Variants in CCDC171 observed in about 807,000 individuals in gnomAD.
CCDC171 encodes coiled-coil domain containing 171.
A neutral mutation model predicts 168.2 loss-of-function variants in CCDC171; 177 were observed. That is an observed-to-expected ratio of 1.05 (90% CI 0.93 to 1.19). The LOEUF (loss-of-function observed/expected upper bound fraction) is 1.19, where lower values mean the gene tolerates loss of function less well. CCDC171 is among the 50% of genes most tolerant of loss of function. The probability of loss-of-function intolerance (pLI) is 0.00; values close to 1 mark genes in which losing one functional copy is unlikely to be tolerated. For synonymous variants in CCDC171, 687 were observed against 540.8 expected (o/e 1.27, Z -3.75); for missense variants, 1,991 against 1,539.0 (o/e 1.29, Z -4.91).
chr9:15,797,323 C>T (rs2058607962), intron 21 of CCDC171, among the ~76,000 whole-genome samples: 1 of 152,048 alleles, frequency 6.6e-6, no homozygotes, highest in African/African-American at 2.4e-5. Context: ...CTCAACTAAT[C>T]CTCCCATCTC....
intron 6 of CCDC171, among the ~76,000 whole-genome samples, chr9:16,033,122 C>G (rs1454826218): frequency 6.6e-6 from 1 of 152,160 alleles, no homozygotes; most frequent in Non-Finnish European, 1.5e-5. Context: ...GTCCACTGTA[C>G]AGGGCTAGGA....
intron 3 of CCDC171, among the ~76,000 whole-genome samples, chr9:15,993,778 A>G (rs1046298907): frequency 1.3e-5 from 2 of 152,250 alleles, no homozygotes; most frequent in Admixed American, 1.3e-4. Flanking sequence ...AAAGTGGCAA[A>G]GGATATGAAC....
chr9:15,619,579 A>G (rs1338113913), intron 6 of CCDC171, among the ~76,000 whole-genome samples: 2 of 152,224 alleles, frequency 1.3e-5, no homozygotes, highest in Non-Finnish European at 2.9e-5. Context: ...AGATTGGTTC[A>G]TGACTTTTAG....
chr9:15,744,397 T>C lies in CCDC171; in HGVS notation c.2174T>C (p.Met725Thr), dbSNP rs1427396977. 2 of 1,614,202 alleles carry C rather than the reference T, an allele frequency of 1.2e-6. No homozygotes were observed. The highest frequency in any genetic ancestry group is 1.1e-5 in the South Asian group (1 of 91,086). The change falls in exon 17 of 26, where the codon ATG becomes ACG. Residue 725 changes from methionine (M) to threonine (T), a missense_variant. Met to Thr is a moderately conservative substitution (Grantham distance 81). Coordinates refer to ENST00000380701, the MANE Select transcript of CCDC171 (RefSeq NM_173550.4). Reference sequence around the variant, plus strand: ...TTATCACAGACTCAAAGGGAACAGATGTCCTTGCTGGCAGCCTGTGCATTA... The same window carrying C: ...TTATCACAGACTCAAAGGGAACAGACGTCCTTGCTGGCAGCCTGTGCATTA... Reference protein sequence around the residue: ...KLLSQTQREQMSLLAACALMA... With the variant: ...KLLSQTQREQTSLLAACALMA...
rs1168528002 is a variant in CCDC171, at chr9:15,971,816, C to A, written c.3961C>A (p.Pro1321Thr). 6 of 1,612,848 alleles carry A rather than the reference C, an allele frequency of 3.7e-6. No homozygotes were observed. Among genetic ancestry groups the A allele is most frequent in the Non-Finnish European group, 5.1e-6 (6 of 1,179,012 alleles). ...GACTATGTCTGCTAATGCCAACAGA[C>A]CAACTCAGATTGGATTATGACTTCA... ...PVTMSANANR[P>T]TQIGL The change falls in exon 26 of 26, where the codon CCA (proline) becomes ACA (threonine). Residue 1321 changes from proline to threonine, a missense_variant. Transcript: ENST00000380701.
chr9:16,095,867 C>CATATATATATATATAT, the CCDC171 span, among the ~76,000 whole-genome samples: 10 of 52,782 alleles, frequency 1.9e-4, no homozygotes, highest in South Asian at 6.1e-4. Context: ...CACACATAGG[C>CATATATATATATATAT]ACATATATAT....
rs2048723300 is a variant in CCDC171, at chr9:15,666,214, G to A, written c.967G>A (p.Ala323Thr). 2.5e-6 allele frequency: 4 copies of A among 1,613,716 alleles called. No individual in the cohort carries two copies. The highest frequency in any genetic ancestry group is 3.4e-6 in the Non-Finnish European group (4 of 1,179,860). The change falls in exon 9 of 26, where the codon GCA (alanine) becomes ACA (threonine). Residue 323 changes from alanine (A) to threonine (T), a missense_variant. Ala to Thr is a moderately conservative substitution (Grantham distance 58). Transcript: ENST00000380701. ...GALQVEKASQ[A>T]EAVADLEIIK... The stretch of plus-strand genomic sequence containing the variant: ...TTTGCAAGTAGAGAAGGCCAGTCAA[G>A]CAGAAGCTGTTGCTGATTTGGAAAT...
rs191661050 is a variant in CCDC171 at position 15,902,546 on chromosome 9, C to A, written c.3601-17724C>A. Among the ~76,000 whole-genome samples, 6 of 151,986 alleles carry A rather than the reference C, an allele frequency of 3.9e-5. No individual in the cohort carries two copies. The East Asian group carries it at 5.8e-4, about 15-fold the overall frequency. On this transcript the variant is annotated intron_variant, in intron 24 of 25. Coordinates refer to ENST00000380701, the MANE Select transcript of CCDC171 (RefSeq NM_173550.4). ...TTCTTGCATTGCTATAAAGAAATAA[C>A]TGAGGTGGAGCCAAGATGGCTGAAT...
At chr9:15,906,305 C>G (rs1206496947) in intron 24 of CCDC171, among the ~76,000 whole-genome samples, 2 of 152,176 alleles carry the variant, frequency 1.3e-5, no homozygotes, top group Non-Finnish European at 2.9e-5. Flanking sequence ...TCCAGCAGCA[C>G]ATCAAAAAGC....
the CCDC171 span, among the ~76,000 whole-genome samples, chr9:16,098,142 C>T: frequency 6.6e-6 from 1 of 151,852 alleles, no homozygotes; most frequent in African/African-American, 2.4e-5. Flanking sequence ...AGTCAGAGTT[C>T]GGCTATCTTT....
At chr9:15,901,166 AG>A (rs1821593258) in intron 24 of CCDC171, among the ~76,000 whole-genome samples, 1 of 152,204 alleles carries the variant, frequency 6.6e-6, no homozygotes, top group African/African-American at 2.4e-5. Context: ...AAAATGAAAA[AG>A]ATCAGTGGTT....
intron 11 of CCDC171, among the ~76,000 whole-genome samples, chr9:15,718,284 G>A (rs914906302): frequency 6.6e-6 from 1 of 152,164 alleles, no homozygotes; most frequent in African/African-American, 2.4e-5. Context: ...GAAGGACTTT[G>A]TCTTGTGCCA....
At chr9:16,106,397 C>G in the CCDC171 span, among the ~76,000 whole-genome samples, 5 of 152,162 alleles carry the variant, frequency 3.3e-5, no homozygotes, top group African/African-American at 1.2e-4. Flanking sequence ...TGTCAGATTT[C>G]CAGCCTGCAG....
intron 24 of CCDC171, among the ~76,000 whole-genome samples, chr9:15,907,244 C>G (rs1321339318): frequency 6.6e-5 from 10 of 152,160 alleles, no homozygotes; most frequent in Non-Finnish European, 1.3e-4. Context: ...ATCATGCTAC[C>G]TGACTTCAAA....
intron 24 of CCDC171, among the ~76,000 whole-genome samples, chr9:15,904,002 G>A (rs1456874474): frequency 3.9e-5 from 6 of 152,142 alleles, no homozygotes; most frequent in Admixed American, 3.9e-4. Context: ...AACAAACAAA[G>A]CCTCCAAGAA....
downstream of CCDC171, among the ~76,000 whole-genome samples, chr9:15,978,712 A>G (rs1831695758): frequency 6.6e-6 from 1 of 152,206 alleles, no homozygotes. Flanking sequence ...ACATACATAT[A>G]TATTTTTTAA....
At chr9:15,589,051 G>A (rs138401480) in intron 4 of CCDC171, among the ~76,000 whole-genome samples, 3 of 151,948 alleles carry the variant, frequency 2.0e-5, no homozygotes, top group East Asian at 1.9e-4. Context: ...CACAGAAAAC[G>A]TCGTTGTTTT....
chr9:15,779,814 T>C (rs2057564655), intron 20 of CCDC171, among the ~76,000 whole-genome samples: 1 of 152,272 alleles, frequency 6.6e-6, no homozygotes, highest in Non-Finnish European at 1.5e-5. Context: ...AGCACAGTCG[T>C]ATGCCAAATA....
chr9:15,995,799 T>G (rs1043000300), intron 3 of CCDC171, among the ~76,000 whole-genome samples: 3 of 152,240 alleles, frequency 2.0e-5, no homozygotes, highest in Admixed American at 6.5e-5. Context: ...TTCAGTTTCC[T>G]TCAGTTTTCA....
Sources: allele counts gnomAD v4.1 joint callset (sites outside exome capture counted in the v4.1 genomes callset), GRCh38; gene constraint gnomAD v4.1.1; transcripts MANE v1.5; gene names NCBI Gene and HGNC (gene_info 2026-07-23, HGNC 2026-07-21).